The following GRIA3 variants were observed in gnomAD, a reference collection of about 807,000 sequenced individuals.
GRIA3 encodes glutamate receptor 3.
In GRIA3, 3 loss-of-function variants were observed where a neutral mutation model predicts 63.0. The ratio of observed to expected loss-of-function variants is 0.05; its 90% CI spans 0.02 to 0.12. The LOEUF (loss-of-function observed/expected upper bound fraction) is 0.12. Among genes scored for constraint, GRIA3 ranks in the 10% least tolerant of loss-of-function variants. GRIA3 has a pLI of 1.00. For missense variants in GRIA3, 347 were observed against 700.9 expected (o/e 0.50, Z 5.70); for synonymous variants, 274 against 257.9 (o/e 1.06, Z -0.60).
Position 123,184,539 on chromosome X carries a change from G to T in GRIA3, c.4G>T (p.Ala2Ser). M[A>S]RQKKMGQSVL... ...TCAGCTTCGTTTTAGGCGTAGCATGGCCAGGCAGAAGAAAATGGGGCAAAG... is the reference window on the plus strand; with the variant it reads ...TCAGCTTCGTTTTAGGCGTAGCATGTCCAGGCAGAAGAAAATGGGGCAAAG... The change falls in exon 1 of 16, where the codon GCC becomes TCC. Residue 2 changes from alanine (A) to serine (S), a missense_variant. Coordinates refer to ENST00000620443, the MANE Select transcript of GRIA3 (RefSeq NM_007325.5). 1 of 1,204,667 alleles carries T rather than the reference G, an allele frequency of 8.3e-7. No homozygotes were observed. The highest frequency in any genetic ancestry group is 1.1e-6 in the Non-Finnish European group (1 of 889,371).
At chrX:123,405,443 T>C (rs2045468259) in intron 10 of GRIA3, among the ~76,000 whole-genome samples, 1 of 111,473 alleles carries the variant, frequency 9.0e-6, no homozygotes, top group Non-Finnish European at 1.9e-5. Context: ...CCTGGCAAAT[T>C]AGATCTCCAC....
At chrX:123,480,002 G>C in intron 13 of GRIA3, 61 bp from the exon 14 acceptor site, 3 of 818,424 alleles carry the variant, frequency 3.7e-6, no homozygotes, top group Admixed American at 4.5e-5. Context: ...AAAGTAGTTT[G>C]AAGCTTGAAT....
chrX:123,198,957 T>G (rs186152498), intron 2 of GRIA3, among the ~76,000 whole-genome samples: 153 of 111,782 alleles, frequency 1.4e-3, no homozygotes, highest in African/African-American at 4.6e-3. Flanking sequence ...CTAGGAAAAA[T>G]GTAGTTCCAA....
chrX:123,323,168 AG>A (rs770266004), intron 3 of GRIA3, among the ~76,000 whole-genome samples: 26 of 112,306 alleles, frequency 2.3e-4, no homozygotes, highest in Admixed American at 7.5e-4. Flanking sequence ...TGAAAATAAA[AG>A]TTCTTGGTAA....
Position 123,357,799 on chromosome X carries a change from T to C in GRIA3, c.750+2836T>C, listed in dbSNP as rs145283341. 8.3e-3 allele frequency among the ~76,000 whole-genome samples: 926 copies of C among 111,503 alleles called. 8 individuals are homozygous for C. The highest frequency in any genetic ancestry group is 0.014 in the Admixed American group (146 of 10,451). Reference sequence around the variant, plus strand: ...CCTTTAAAAATAAAGTAATGTATAGTATGATGTCAGTCTAAGTAATGAAAA... The same window carrying C: ...CCTTTAAAAATAAAGTAATGTATAGCATGATGTCAGTCTAAGTAATGAAAA... On this transcript the variant is annotated intron_variant, in intron 5 of 15. Transcript: ENST00000620443.
At chrX:123,276,155 T>G (rs1297328454) in intron 3 of GRIA3, among the ~76,000 whole-genome samples, 1 of 111,836 alleles carries the variant, frequency 8.9e-6, no homozygotes, top group African/African-American at 3.2e-5. Context: ...TTCTGGAGAT[T>G]CTGAATGGGT....
At chrX:123,372,799 G>C (rs2045255710) in intron 5 of GRIA3, among the ~76,000 whole-genome samples, 1 of 110,894 alleles carries the variant, frequency 9.0e-6, no homozygotes, top group Admixed American at 9.6e-5. Context: ...CCAAATATAA[G>C]ATCATATCAT....
At chrX:123,287,788 A>G (rs999333914) in intron 3 of GRIA3, among the ~76,000 whole-genome samples, 2 of 112,144 alleles carry the variant, frequency 1.8e-5, no homozygotes, top group African/African-American at 6.5e-5. Flanking sequence ...ATAGAAAAAC[A>G]TTCCATGCTC....
At chrX:123,286,587 C>G (rs1389923956) in intron 3 of GRIA3, among the ~76,000 whole-genome samples, 1 of 111,580 alleles carries the variant, frequency 9.0e-6, no homozygotes, top group Non-Finnish European at 1.9e-5. Flanking sequence ...GGGACATCAT[C>G]ACTGATCCCA....
intron 3 of GRIA3, among the ~76,000 whole-genome samples, chrX:123,268,142 C>T (rs1328962222): frequency 9.0e-6 from 1 of 111,506 alleles, no homozygotes; most frequent in Non-Finnish European, 1.9e-5. Context: ...GTATTTTTTG[C>T]TAAAGAAATT....
chrX:123,249,858 G>A (rs933991281), intron 2 of GRIA3, among the ~76,000 whole-genome samples: 2 of 110,193 alleles, frequency 1.8e-5, no homozygotes, highest in Non-Finnish European at 3.8e-5. Flanking sequence ...TTCTCACACA[G>A]GCTCCCTACA....
intron 5 of GRIA3, among the ~76,000 whole-genome samples, chrX:123,388,682 T>C (rs1223009673): frequency 1.8e-5 from 2 of 112,482 alleles, no homozygotes; most frequent in Non-Finnish European, 3.8e-5. Context: ...ATTTATTTTG[T>C]TGTTCTTTTG....
intron 3 of GRIA3, among the ~76,000 whole-genome samples, chrX:123,309,960 T>C (rs1027263670): frequency 8.9e-5 from 10 of 112,083 alleles, no homozygotes; most frequent in African/African-American, 2.9e-4. Context: ...TTCCTCAAAA[T>C]GATACATAAG....
intron 3 of GRIA3, among the ~76,000 whole-genome samples, chrX:123,306,046 T>C (rs758700861): frequency 2.4e-4 from 27 of 111,628 alleles, no homozygotes; most frequent in Non-Finnish European, 4.7e-4. Flanking sequence ...CAAATTATAA[T>C]AGACCCTCAG....
At chrX:123,375,733 A>G (rs927830639) in intron 5 of GRIA3, among the ~76,000 whole-genome samples, 1 of 112,098 alleles carries the variant, frequency 8.9e-6, no homozygotes, top group Non-Finnish European at 1.9e-5. Context: ...TTTGGGCCAC[A>G]TTAGATGGGA....
At chrX:123,425,715 A>G (rs2045585920) in intron 11 of GRIA3, among the ~76,000 whole-genome samples, 1 of 111,903 alleles carries the variant, frequency 8.9e-6, no homozygotes. Context: ...AGATAGTGTA[A>G]CTGTTAGAAA....
At position 123,185,769 on chromosome X, in the gene GRIA3, C is replaced by T. The variant is rs374816129; in HGVS notation, c.110-63C>T. On this transcript the variant is annotated intron_variant, in intron 1 of 15. Coordinates refer to ENST00000620443, the MANE Select transcript of GRIA3 (RefSeq NM_007325.5). ...GGTATCCGGTATCTATATTGTTCCC[C>T]AATTCCTAACTGGCCCTAGTGTGGG... 174 of 977,234 alleles carry T rather than the reference C, an allele frequency of 1.8e-4. No individual in the cohort carries two copies. The African/African-American group carries it at 3.0e-3, about 17-fold the overall frequency. 80.5% of individuals were successfully genotyped at this position (977,234 alleles called of 1,213,427 possible). A position where few individuals can be genotyped will look rare whatever the true frequency, so the allele number is the denominator to read the frequency against.
At chrX:123,313,572 TA>T (rs2044812235) in intron 3 of GRIA3, among the ~76,000 whole-genome samples, 1 of 111,430 alleles carries the variant, frequency 9.0e-6, no homozygotes, top group Middle Eastern at 4.6e-3. Context: ...TTCTCACTGG[TA>T]ACCATCATTC....
chrX:123,184,808 G>C lies in GRIA3; in HGVS notation c.109+164G>C. ...TGCGGGGCGGGGGGCGGGGCGGGGG[G>C]AATCTGAGCCTCAACGAGGTGGCTG... On this transcript the variant is annotated intron_variant, in intron 1 of 15. Transcript: ENST00000620443. 4 of 487,747 alleles carry C rather than the reference G, an allele frequency of 8.2e-6. 1 individual carries two copies. Among genetic ancestry groups the C allele is most frequent in the Non-Finnish European group, 7.5e-6 (2 of 268,266 alleles). 40.2% of individuals were successfully genotyped at this position (487,747 alleles called of 1,213,427 possible).
Sources: gnomAD v4.1 joint callset for allele counts (sites outside exome capture counted in the v4.1 genomes callset) on GRCh38, gnomAD v4.1.1 for gene constraint, MANE v1.5 for transcripts, NCBI Gene and HGNC (gene_info 2026-07-23, HGNC 2026-07-21) for gene names.